The following SPAG16 variants were observed in gnomAD, a reference collection of about 807,000 sequenced individuals.
SPAG16 encodes the protein sperm-associated antigen 16 protein.
A neutral mutation model predicts 80.4 loss-of-function variants in SPAG16; 86 were observed. That is an observed-to-expected ratio of 1.07 (90% CI 0.90 to 1.28). The LOEUF (loss-of-function observed/expected upper bound fraction) is 1.28, where lower values mean the gene tolerates loss of function less well. Among genes scored for constraint, SPAG16 ranks in the 50% most tolerant of loss-of-function variants. The pLI is 0.00. For synonymous variants in SPAG16, 294 were observed against 265.9 expected (o/e 1.11, Z -1.03); for missense variants, 870 against 765.3 (o/e 1.14, Z -1.61).
At chr2:213,540,957 G>C (rs888065267) in intron 10 of SPAG16, among the ~76,000 whole-genome samples, 2 of 152,262 alleles carry the variant, frequency 1.3e-5, no homozygotes, top group African/African-American at 4.8e-5. Context: ...GTATGTGCGC[G>C]TGCATGTGTG....
At chr2:213,674,414 A>G (rs1207610081) in intron 10 of SPAG16, among the ~76,000 whole-genome samples, 2 of 149,774 alleles carry the variant, frequency 1.3e-5, no homozygotes, top group African/African-American at 5.0e-5. Flanking sequence ...TTTAAGTTTT[A>G]GGGTACATGT....
chr2:214,220,518 G>C (rs1223848390), intron 15 of SPAG16, among the ~76,000 whole-genome samples: 1 of 152,044 alleles, frequency 6.6e-6, no homozygotes, highest in East Asian at 1.9e-4. Flanking sequence ...CCAACCCAAA[G>C]CCTTCTCAGA....
chr2:214,087,198 TAA>T (rs34149728), intron 13 of SPAG16, among the ~76,000 whole-genome samples: 13,164 of 152,156 alleles, frequency 0.087, 739 homozygotes, highest in East Asian at 0.28. Context: ...TGGTGAGAAA[TAA>T]AGAGTTAAAT....
At chr2:213,804,388 A>C (rs2071608916) in intron 10 of SPAG16, among the ~76,000 whole-genome samples, 3 of 152,192 alleles carry the variant, frequency 2.0e-5, no homozygotes, top group African/African-American at 7.2e-5. Flanking sequence ...AGGGCTACTA[A>C]AGAACATTAT....
chr2:214,290,662 T>G (rs1693732349), intron 15 of SPAG16, among the ~76,000 whole-genome samples: 1 of 152,174 alleles, frequency 6.6e-6, no homozygotes, highest in Non-Finnish European at 1.5e-5. Flanking sequence ...GAAGCATGTT[T>G]TTAATCTTCA....
intron 15 of SPAG16, among the ~76,000 whole-genome samples, chr2:214,154,930 C>A (rs992644747): frequency 5.9e-5 from 9 of 152,032 alleles, no homozygotes; most frequent in Non-Finnish European, 1.0e-4. Flanking sequence ...TAATATTTGG[C>A]AATAAAAAAC....
chr2:214,400,180 C>A (rs983938633), intron 15 of SPAG16, among the ~76,000 whole-genome samples: 2 of 151,912 alleles, frequency 1.3e-5, no homozygotes, highest in Admixed American at 6.6e-5. Flanking sequence ...TCCACACAGG[C>A]CAAAAGTTCT....
At chr2:214,391,219 C>T (rs1201735383) in intron 15 of SPAG16, among the ~76,000 whole-genome samples, 1 of 152,104 alleles carries the variant, frequency 6.6e-6, no homozygotes, top group Non-Finnish European at 1.5e-5. Flanking sequence ...GCTTCAATTT[C>T]CTCTTCTGTA....
intron 14 of SPAG16, among the ~76,000 whole-genome samples, chr2:214,108,474 CACACA>C (rs1204816790): frequency 0.019 from 1,718 of 88,388 alleles, 23 homozygotes; most frequent in African/African-American, 0.06. Context: ...CACACACACA[CACACA>C]CCCCCACACA....
chr2:214,216,834 C>G (rs1026164947), intron 15 of SPAG16, among the ~76,000 whole-genome samples: 3 of 152,156 alleles, frequency 2.0e-5, no homozygotes, highest in Non-Finnish European at 2.9e-5. Context: ...ACATAAAGGA[C>G]AGTTTTAAAC....
chr2:213,719,473 AT>A (rs2066412050), intron 10 of SPAG16, among the ~76,000 whole-genome samples: 1 of 152,166 alleles, frequency 6.6e-6, no homozygotes, highest in Admixed American at 6.5e-5. Flanking sequence ...GAACCTTTGT[AT>A]CTAGCTCAGG....
chr2:214,259,187 A>G (rs2125866856), intron 15 of SPAG16, among the ~76,000 whole-genome samples: 1 of 151,850 alleles, frequency 6.6e-6, no homozygotes, highest in East Asian at 1.9e-4. Context: ...AATTCATTTT[A>G]GTAGGCATTT....
intron 13 of SPAG16, among the ~76,000 whole-genome samples, chr2:214,084,388 C>G (rs2051581692): frequency 6.6e-6 from 1 of 151,882 alleles, no homozygotes; most frequent in African/African-American, 2.4e-5. Context: ...AGCACGTAAT[C>G]TTTGAAAAAA....
At chr2:214,223,377 G>GTAGGT (rs1012733410) in intron 15 of SPAG16, among the ~76,000 whole-genome samples, 2 of 152,010 alleles carry the variant, frequency 1.3e-5, no homozygotes, top group African/African-American at 4.8e-5. Flanking sequence ...TTTTACAGTA[G>GTAGGT]TAGGTTCACT....
At chr2:213,512,470 A>G (rs955230971) in intron 10 of SPAG16, among the ~76,000 whole-genome samples, 6 of 152,180 alleles carry the variant, frequency 3.9e-5, no homozygotes, top group Non-Finnish European at 7.4e-5. Context: ...TTCCTATATA[A>G]TTACTGGAAA....
chr2:214,235,798 A>G (rs528470937), intron 15 of SPAG16, among the ~76,000 whole-genome samples: 5 of 152,214 alleles, frequency 3.3e-5, no homozygotes, highest in Non-Finnish European at 5.9e-5. Flanking sequence ...TTTATTTCCA[A>G]TAATGCAATT....
intron 9 of SPAG16, among the ~76,000 whole-genome samples, chr2:213,382,227 C>T (rs1022896122): frequency 6.6e-6 from 1 of 152,092 alleles, no homozygotes; most frequent in Non-Finnish European, 1.5e-5. Flanking sequence ...ATAATTCTTC[C>T]TTTTTTAAGA....
intron 10 of SPAG16, among the ~76,000 whole-genome samples, chr2:213,567,721 G>C (rs13005075): frequency 0.19 from 3,924 of 20,330 alleles, 436 homozygotes; most frequent in Non-Finnish European, 0.24. Flanking sequence ...ATAGCAGCAT[G>C]ATTTATAGTC....
chr2:214,243,474 A>C (rs919391199), intron 15 of SPAG16, among the ~76,000 whole-genome samples: 13 of 152,074 alleles, frequency 8.5e-5, no homozygotes, highest in Admixed American at 5.9e-4. Flanking sequence ...GTTAATGTAA[A>C]TCATTAATTA....
Sources: gnomAD v4.1 joint callset for allele counts (sites outside exome capture counted in the v4.1 genomes callset) on GRCh38, gnomAD v4.1.1 for gene constraint, MANE v1.5 for transcripts, NCBI Gene and HGNC (gene_info 2026-07-23, HGNC 2026-07-21) for gene names.